The following ZNF678 variants were observed in gnomAD, a reference collection of about 807,000 sequenced individuals.
ZNF678 encodes the protein zinc finger protein 678, also known as hypothetical protein MGC42493.
ZNF678 carries 5 observed loss-of-function variants against 3.0 expected under a neutral mutation model. The ratio of observed to expected loss-of-function variants is 1.69; its 90% CI spans 0.88 to 3.56. The LOEUF (loss-of-function observed/expected upper bound fraction) is 3.56, where lower values mean the gene tolerates loss of function less well. Ranked by LOEUF, ZNF678 falls within the 30% of genes most tolerant of loss-of-function variation. The pLI, the probability that ZNF678 is intolerant of heterozygous loss-of-function variation, is 0.00. For missense variants in ZNF678, 593 were observed against 605.0 expected (o/e 0.98, Z 0.21); for synonymous variants, 218 against 199.6 (o/e 1.09, Z -0.78).
At chr1:227,671,665 T>G (rs565653440) in intron 5 of ZNF678, among the ~76,000 whole-genome samples, 19 of 152,336 alleles carry the variant, frequency 1.2e-4, no homozygotes, top group South Asian at 4.1e-4. Context: ...TTCTGCTGAT[T>G]ATTCCCAACC....
downstream of ZNF678, among the ~76,000 whole-genome samples, chr1:227,665,732 AT>A (rs1353493685): frequency 6.6e-6 from 1 of 152,202 alleles, no homozygotes; most frequent in Non-Finnish European, 1.5e-5. Context: ...AGCTATTAAT[AT>A]TTTTTGTGAA....
chr1:227,620,025 G>A (rs924218688), intron 1 of ZNF678, among the ~76,000 whole-genome samples: 3 of 152,110 alleles, frequency 2.0e-5, no homozygotes, highest in Non-Finnish European at 4.4e-5. Context: ...CTTACTCCAG[G>A]TAATTGGTCA....
intron 1 of ZNF678, among the ~76,000 whole-genome samples, chr1:227,581,000 T>TATA (rs1160692086): frequency 4.6e-5 from 7 of 152,118 alleles, no homozygotes; most frequent in African/African-American, 1.7e-4. Context: ...AGTATGGACT[T>TATA]CTATATAAAG....
At chr1:227,628,305 GT>G (rs1658467070) in intron 1 of ZNF678, among the ~76,000 whole-genome samples, 1 of 151,592 alleles carries the variant, frequency 6.6e-6, no homozygotes, top group African/African-American at 2.4e-5. Context: ...TTTTTTTTCT[GT>G]GACATATAAA....
chr1:227,609,549 TC>T (rs1158705552), intron 1 of ZNF678, among the ~76,000 whole-genome samples: 4 of 152,214 alleles, frequency 2.6e-5, no homozygotes, highest in African/African-American at 9.6e-5. Context: ...CGTAGATACT[TC>T]ATAACAATAG....
At chr1:227,608,648 T>G (rs1657939207) in intron 1 of ZNF678, among the ~76,000 whole-genome samples, 1 of 152,184 alleles carries the variant, frequency 6.6e-6, no homozygotes, top group Non-Finnish European at 1.5e-5. Context: ...ATCTGAAATA[T>G]TTTACTTATG....
intron 1 of ZNF678, among the ~76,000 whole-genome samples, chr1:227,588,801 A>G (rs1351144447): frequency 6.6e-6 from 1 of 151,792 alleles, no homozygotes; most frequent in African/African-American, 2.4e-5. Context: ...CACTGCCCCC[A>G]GACTGTTTTT....
chr1:227,622,659 CTATT>C (rs551399806), intron 1 of ZNF678, among the ~76,000 whole-genome samples: 4 of 151,984 alleles, frequency 2.6e-5, no homozygotes, highest in African/African-American at 9.7e-5. Context: ...TATTTTTTTA[CTATT>C]TATTTGTGCC....
intron 1 of ZNF678, among the ~76,000 whole-genome samples, chr1:227,604,914 G>T (rs1657825916): frequency 1.3e-5 from 2 of 151,888 alleles, no homozygotes; most frequent in African/African-American, 4.8e-5. Context: ...GAAGTGCAGT[G>T]GTGCAATCTC....
At chr1:227,679,459 C>T (rs1411065373), downstream of ZNF678, among the ~76,000 whole-genome samples, 3 of 152,026 alleles carry the variant, frequency 2.0e-5, no homozygotes, top group South Asian at 4.2e-4. Flanking sequence ...TGTAAAAATC[C>T]CTGTCCTGTT....
At chr1:227,640,919 A>C (rs1217878124) in intron 1 of ZNF678, among the ~76,000 whole-genome samples, 1 of 152,212 alleles carries the variant, frequency 6.6e-6, no homozygotes, top group Non-Finnish European at 1.5e-5. Flanking sequence ...CCCAAACGGA[A>C]TCAAATGGCT....
chr1:227,620,015 C>G (rs2102768989), intron 1 of ZNF678, among the ~76,000 whole-genome samples: 1 of 152,264 alleles, frequency 6.6e-6, no homozygotes, highest in South Asian at 2.1e-4. Context: ...GAACCTTTAC[C>G]TTACTCCAGG....
chr1:227,630,048 C>T (rs1215198088), intron 1 of ZNF678, among the ~76,000 whole-genome samples: 2 of 151,936 alleles, frequency 1.3e-5, no homozygotes, highest in African/African-American at 2.4e-5. Flanking sequence ...AAGTTTTGCT[C>T]CGGGTCTAAG....
At chr1:227,664,955 GAC>G (rs1055078377), downstream of ZNF678, among the ~76,000 whole-genome samples, 2 of 152,174 alleles carry the variant, frequency 1.3e-5, no homozygotes, top group African/African-American at 4.8e-5. Flanking sequence ...GGTTTGTGGT[GAC>G]ACAGCTGGAT....
At chr1:227,617,781 A>G (rs373505125) in intron 1 of ZNF678, among the ~76,000 whole-genome samples, 20 of 152,326 alleles carry the variant, frequency 1.3e-4, no homozygotes, top group Middle Eastern at 3.4e-3. Flanking sequence ...TGTCTTTAAA[A>G]TATCCTCCAA....
intron 1 of ZNF678, among the ~76,000 whole-genome samples, chr1:227,610,441 G>A (rs1657988561): frequency 1.3e-5 from 2 of 152,268 alleles, no homozygotes; most frequent in South Asian, 2.1e-4. Context: ...TAAAACCCAT[G>A]GGCATTTATG....
At chr1:227,599,231 A>T in intron 1 of ZNF678, 2 of 729,868 alleles carry the variant, frequency 2.7e-6, no homozygotes, top group Non-Finnish European at 4.6e-6. Flanking sequence ...TGTTTTTAAC[A>T]GTATTGATCA....
At chr1:227,668,109 C>T (rs1044929974) in intron 5 of ZNF678, among the ~76,000 whole-genome samples, 3 of 152,130 alleles carry the variant, frequency 2.0e-5, no homozygotes, top group Non-Finnish European at 4.4e-5. Flanking sequence ...AACAGTAGCT[C>T]TAACAATGTA....
intron 1 of ZNF678, among the ~76,000 whole-genome samples, chr1:227,620,388 G>A (rs1472098312): frequency 6.6e-6 from 1 of 151,898 alleles, no homozygotes; most frequent in East Asian, 1.9e-4. Context: ...TGTGTGTGTT[G>A]CCTTCGTCTT....
Sources: gnomAD v4.1 joint callset for allele counts (sites outside exome capture counted in the v4.1 genomes callset) on GRCh38, gnomAD v4.1.1 for gene constraint, MANE v1.5 for transcripts, NCBI Gene and HGNC (gene_info 2026-07-23, HGNC 2026-07-21) for gene names.